Variants in ENPP2 observed in about 807,000 individuals in gnomAD.
ENPP2 encodes the protein autotaxin.
A neutral mutation model predicts 120.2 loss-of-function variants in ENPP2; 51 were observed. The ratio of observed to expected loss-of-function variants is 0.42; its 90% CI spans 0.34 to 0.54. ENPP2 has a LOEUF of 0.54. Among genes scored for constraint, ENPP2 ranks in the 20% least tolerant of loss-of-function variants. The pLI is 0.04. For synonymous variants in ENPP2, 365 were observed against 366.4 expected, an observed-to-expected ratio of 1.00 and a Z score of 0.04; for missense variants, 920 against 1,066.5, an observed-to-expected ratio of 0.86 and a Z score of 1.91.
chr8:119,562,941 A>G lies in ENPP2; in HGVS notation c.2337T>C (p.Thr779=). 6.2e-7 allele frequency: 1 copy of G among 1,614,174 alleles called. No homozygotes were observed. The highest frequency in any genetic ancestry group is 8.5e-7 in the Non-Finnish European group (1 of 1,179,980). Residue 779 remains threonine, a synonymous_variant, in exon 24 of 25, where the codon ACT becomes ACC. Transcript: ENST00000075322. ...GGCCGTCACACTTGTCGGCAGGCTG[A>G]GTGAAATCCAGACAGCTGGTGATGA... ...YSIITSCLDF[T]QPADKCDGPL...
rs530976016 is a variant in ENPP2, at chr8:119,614,985, A to G, written c.777+1280T>C. ...GTCTTTCAATGTTTATTTTTTTAAT[A>G]AAAAGCTCATATTTATCCTTGCATA... On this transcript the variant is annotated intron_variant, in intron 8 of 24. Transcript: ENST00000075322. Among the ~76,000 whole-genome samples, 367 of 152,268 alleles carry G rather than the reference A, an allele frequency of 2.4e-3. 3 individuals are homozygous for G. In the South Asian group the frequency reaches 0.031, roughly 13 times the overall value.
chr8:119,642,329 A>G (rs1817307682), upstream of ENPP2, among the ~76,000 whole-genome samples: 1 of 152,004 alleles, frequency 6.6e-6, no homozygotes, highest in Non-Finnish European at 1.5e-5. Flanking sequence ...TATTTTTTGA[A>G]TTATTTGTTT....
chr8:119,631,199 G>A (rs1358680780), intron 2 of ENPP2, among the ~76,000 whole-genome samples: 4 of 122,112 alleles, frequency 3.3e-5, no homozygotes, highest in Non-Finnish European at 5.0e-5. Context: ...CAGCCATGCT[G>A]CTATCTTTTT....
chr8:119,634,457 A>C (rs1816878624), intron 2 of ENPP2, among the ~76,000 whole-genome samples: 1 of 152,208 alleles, frequency 6.6e-6, no homozygotes, highest in South Asian at 2.1e-4. Context: ...ATAAGTTTAA[A>C]CACTGGCCTT....
In ENPP2 at chr8:119,649,710, TA is replaced by T. The variant is rs1395181020; in HGVS notation, c.22-11184del. ...TTAAAGAACACTTACAACTCAGCAA[TA>T]AAAAGACATATAATCCAATTTTTAA... is the stretch of plus-strand genomic sequence containing the variant. On this transcript the variant is annotated intron_variant, in intron 1 of 25. Transcript: ENST00000427067. Among the ~76,000 whole-genome samples the T allele has an allele frequency of 2.6e-5, 4 of 152,110 alleles. No individual in the cohort carries two copies. The East Asian group carries it at 7.7e-4, about 29-fold the overall frequency.
intron 1 of ENPP2, among the ~76,000 whole-genome samples, chr8:119,650,342 G>A (rs773432979): frequency 2.0e-5 from 3 of 152,158 alleles, no homozygotes; most frequent in East Asian, 3.9e-4. Flanking sequence ...GGTATTGACC[G>A]ATATCGGGTA....
rs1817675058 is a variant in ENPP2, at chr8:119,653,231, T to G, written c.22-14704A>C. ...CCTTATCACCCAACCAATTCATTAA[T>G]TCACTCATTCATTTGTTTATTTACT... On this transcript the variant is annotated intron_variant, in intron 1 of 25. Coordinates refer to the ENPP2 transcript ENST00000427067. Among the ~76,000 whole-genome samples the G allele has an allele frequency of 1.3e-5, 2 of 152,208 alleles. 1 individual carries two copies. Among genetic ancestry groups the G allele is most frequent in the South Asian group, 4.1e-4 (2 of 4,836 alleles).
Position 119,557,397 on chromosome 8 carries a change from G to A in ENPP2, c.*124C>T, listed in dbSNP as rs1330484445. 6.6e-6 allele frequency: 5 copies of A among 752,130 alleles called. No individual in the cohort carries two copies. In the East Asian group the frequency reaches 1.2e-4, roughly 17 times the overall value. 46.6% of individuals were successfully genotyped at this position (752,130 alleles called of 1,614,324 possible). On this transcript the variant is annotated 3_prime_UTR_variant, in exon 25 of 25. Transcript: ENST00000075322. ...CAGTGGAGTCATTCAGGCATAATAT[G>A]TCAGATTTGGTACAGGATTAAAATA... is the stretch of plus-strand genomic sequence containing the variant.
chr8:119,618,781 C>T (rs1432048090), intron 5 of ENPP2, among the ~76,000 whole-genome samples: 4 of 151,558 alleles, frequency 2.6e-5, no homozygotes, highest in South Asian at 2.1e-4. Flanking sequence ...ATGATATGCC[C>T]GCCTCAGCCT....
upstream of ENPP2, among the ~76,000 whole-genome samples, chr8:119,639,763 G>C (rs1371693968): frequency 2.0e-5 from 3 of 152,168 alleles, no homozygotes; most frequent in Non-Finnish European, 4.4e-5. Context: ...GTTAAATGTA[G>C]CCACCAAATA....
chr8:119,672,008 A>AG (rs920493125), intron 1 of ENPP2, among the ~76,000 whole-genome samples: 17 of 152,160 alleles, frequency 1.1e-4, no homozygotes, highest in East Asian at 5.8e-4. Context: ...TGTGCGTGGG[A>AG]GGGGGGGAGT....
intron 2 of ENPP2, among the ~76,000 whole-genome samples, chr8:119,627,336 T>A (rs1412300319): frequency 6.6e-6 from 1 of 152,142 alleles, no homozygotes; most frequent in African/African-American, 2.4e-5. Context: ...TATAGGTGTA[T>A]ATCAGAAATC....
Position 119,660,205 on chromosome 8 carries a change from C to T in ENPP2, c.21+13047G>A, listed in dbSNP as rs150354180. Among the ~76,000 whole-genome samples, 759 of 152,286 alleles carry T rather than the reference C, an allele frequency of 5.0e-3. 9 individuals are homozygous for T. The highest frequency in any genetic ancestry group is 0.02 in the Middle Eastern group (6 of 294). ...CACTCTTTGTTTTCATTTCCATAGA[C>T]GTCCTTACTTTGAAAAAACAGTTAT... On this transcript the variant is annotated intron_variant, in intron 1 of 25. Transcript: ENST00000427067.
chr8:119,654,034 TTA>T (rs1380064994), intron 1 of ENPP2, among the ~76,000 whole-genome samples: 2 of 146,160 alleles, frequency 1.4e-5, no homozygotes, highest in Admixed American at 6.9e-5. Context: ...TAATATTTTA[TTA>T]TATGTTATAT....
Position 119,570,728 on chromosome 8 carries a change from T to C in ENPP2, c.1894A>G (p.Thr632Ala), listed in dbSNP as rs375979906. ...ACCTGTTTGGAAACAGTATATGATG[T>C]CCAGAGTGGCATTAGGAATATTTCA... ...YSEIFLMPLWTSYTVSKQAEV... is the reference protein window; with the variant it reads ...YSEIFLMPLWASYTVSKQAEV... The change falls in exon 20 of 25, where the codon ACA becomes GCA. Residue 632 changes from threonine (T) to alanine (A), a missense_variant. Physicochemically the swap from Thr to Ala is moderately conservative, Grantham distance 58. Transcript: ENST00000075322. The C allele has an allele frequency of 6.3e-7, 1 of 1,583,984 alleles. No individual in the cohort carries two copies. The highest frequency in any genetic ancestry group is 8.6e-7 in the Non-Finnish European group (1 of 1,163,768).
chr8:119,634,102 G>A, intron 2 of ENPP2, among the ~76,000 whole-genome samples: 1 of 152,104 alleles, frequency 6.6e-6, no homozygotes, highest in Non-Finnish European at 1.5e-5. Flanking sequence ...AGAATCACTT[G>A]AACCTGGGAG....
intron 19 of ENPP2, among the ~76,000 whole-genome samples, chr8:119,576,266 T>C (rs1001828873): frequency 6.6e-6 from 1 of 152,194 alleles, no homozygotes; most frequent in African/African-American, 2.4e-5. Flanking sequence ...GTCTCCCTAG[T>C]AGCTGGGATT....
At chr8:119,573,972 T>C (rs1812158324) in intron 19 of ENPP2, among the ~76,000 whole-genome samples, 2 of 152,086 alleles carry the variant, frequency 1.3e-5, no homozygotes, top group African/African-American at 4.8e-5. Flanking sequence ...AAAAATACAG[T>C]GGTTTTTACA....
intron 15 of ENPP2, among the ~76,000 whole-genome samples, chr8:119,585,675 T>C (rs372480511): frequency 1.3e-4 from 20 of 152,228 alleles, no homozygotes; most frequent in Non-Finnish European, 1.8e-4. Context: ...CTCTTCAACA[T>C]TGGAGAGTGT....
Sources: gnomAD v4.1 joint callset for allele counts (sites outside exome capture counted in the v4.1 genomes callset) on GRCh38, gnomAD v4.1.1 for gene constraint, MANE v1.5 for transcripts, NCBI Gene and HGNC (gene_info 2026-07-23, HGNC 2026-07-21) for gene names.